The following AKR1C8 variants were observed in gnomAD, a reference collection of about 807,000 sequenced individuals.
AKR1C8 encodes the protein aldo-keto reductase family 1 member C8, also known as aldo-keto reductase family 1 member C-like protein 1.
At chr10:5,140,502 A>T in the AKR1C8 span, among the ~76,000 whole-genome samples, 1,782 of 152,260 alleles carry the variant, frequency 0.012, 9 homozygotes, top group Admixed American at 0.019. Context: ...TTGTAGGGAC[A>T]TGGATGAAGC....
the AKR1C8 span, among the ~76,000 whole-genome samples, chr10:5,176,402 C>G: frequency 6.9e-6 from 1 of 144,740 alleles, no homozygotes; most frequent in African/African-American, 2.5e-5. Context: ...AGTTTGAAGT[C>G]AGGTAGTGTG....
chr10:5,157,406 T>C, the AKR1C8 span, among the ~76,000 whole-genome samples: 1 of 152,142 alleles, frequency 6.6e-6, no homozygotes, highest in Admixed American at 6.5e-5. Context: ...TGAGTTGAAA[T>C]TTGCTTAGTG....
chr10:5,132,703 A>T, the AKR1C8 span: 14 of 1,584,046 alleles, frequency 8.8e-6, no homozygotes, highest in Admixed American at 3.4e-5. Context: ...AAATGAGCAG[A>T]ATCAATATGG....
At chr10:5,123,145 AG>A in the AKR1C8 span, 1 of 156,590 alleles carries the variant, frequency 6.4e-6, no homozygotes, top group East Asian at 1.9e-4. Context: ...TAGGATGTAC[AG>A]AAAGCATTTG....
At chr10:5,141,223 G>A in the AKR1C8 span, among the ~76,000 whole-genome samples, 1 of 152,114 alleles carries the variant, frequency 6.6e-6, no homozygotes, top group Non-Finnish European at 1.5e-5. Flanking sequence ...TTCATATGAA[G>A]GAACTCTTAA....
the AKR1C8 span, among the ~76,000 whole-genome samples, chr10:5,178,532 C>T: frequency 2.0e-5 from 3 of 152,094 alleles, no homozygotes; most frequent in African/African-American, 4.8e-5. Flanking sequence ...TCCTGGGTAT[C>T]CTTTTTAACT....
chr10:5,176,771 T>G, the AKR1C8 span, among the ~76,000 whole-genome samples: 1 of 152,156 alleles, frequency 6.6e-6, no homozygotes, highest in African/African-American at 2.4e-5. Context: ...ATGATTTGGC[T>G]CTCTGTTTGT....
chr10:5,145,650 A>G, the AKR1C8 span, among the ~76,000 whole-genome samples: 11 of 152,224 alleles, frequency 7.2e-5, no homozygotes, highest in African/African-American at 2.4e-4. Flanking sequence ...ACAGTGAGAC[A>G]CCATCTCACA....
the AKR1C8 span, among the ~76,000 whole-genome samples, chr10:5,145,814 G>A: frequency 2.0e-5 from 3 of 152,112 alleles, no homozygotes; most frequent in Admixed American, 2.0e-4. Flanking sequence ...TCTAGAACTA[G>A]AAATACCATT....
chr10:5,132,177 T>C, the AKR1C8 span, among the ~76,000 whole-genome samples: 1 of 143,040 alleles, frequency 7.0e-6, no homozygotes, highest in East Asian at 2.1e-4. Context: ...GGACTCAGTG[T>C]TGGGGGAGGT....
the AKR1C8 span, among the ~76,000 whole-genome samples, chr10:5,137,605 C>T: frequency 6.6e-6 from 1 of 152,084 alleles, no homozygotes; most frequent in East Asian, 1.9e-4. Context: ...TTATGACAAA[C>T]CCACAGCCAA....
the AKR1C8 span, among the ~76,000 whole-genome samples, chr10:5,152,444 TG>T: frequency 2.6e-5 from 4 of 152,186 alleles, no homozygotes; most frequent in Non-Finnish European, 5.9e-5. Flanking sequence ...TTGTGACTGT[TG>T]ATGTATAAAC....
At chr10:5,139,902 C>T in the AKR1C8 span, among the ~76,000 whole-genome samples, 6 of 152,080 alleles carry the variant, frequency 3.9e-5, no homozygotes, top group South Asian at 6.2e-4. Flanking sequence ...ACCCATCTGA[C>T]AAAGGGCTAA....
the AKR1C8 span, among the ~76,000 whole-genome samples, chr10:5,118,123 G>A: frequency 6.6e-6 from 1 of 152,246 alleles, no homozygotes; most frequent in African/African-American, 2.4e-5. Context: ...GCAACTTCCT[G>A]CCAGTTATGA....
chr10:5,118,753 T>C, the AKR1C8 span, among the ~76,000 whole-genome samples: 1 of 152,172 alleles, frequency 6.6e-6, no homozygotes, highest in Non-Finnish European at 1.5e-5. Flanking sequence ...CTGCCAATCA[T>C]CAATTGATTT....
At chr10:5,184,931 C>T in the AKR1C8 span, 3,465 of 481,166 alleles carry the variant, frequency 7.2e-3, 95 homozygotes, top group African/African-American at 0.061. Flanking sequence ...CACTGTCTAC[C>T]CAAGTGCAGG....
the AKR1C8 span, among the ~76,000 whole-genome samples, chr10:5,134,072 G>A: frequency 1.3e-5 from 2 of 152,124 alleles, no homozygotes; most frequent in African/African-American, 2.4e-5. Context: ...GCCATGAATA[G>A]AACAATTTTC....
the AKR1C8 span, among the ~76,000 whole-genome samples, chr10:5,171,281 A>G: frequency 6.6e-6 from 1 of 152,076 alleles, no homozygotes; most frequent in Non-Finnish European, 1.5e-5. Flanking sequence ...GATAACAAAA[A>G]GTTTTAAGGT....
the AKR1C8 span, among the ~76,000 whole-genome samples, chr10:5,162,580 A>G: frequency 5.9e-5 from 9 of 152,208 alleles, no homozygotes; most frequent in Admixed American, 2.0e-4. Flanking sequence ...GAAGGAGTGG[A>G]CCCATAGTGG....
Sources: gnomAD v4.1 joint callset for allele counts (sites outside exome capture counted in the v4.1 genomes callset) on GRCh38, gnomAD v4.1.1 for gene constraint, MANE v1.5 for transcripts, NCBI Gene and HGNC (gene_info 2026-07-23, HGNC 2026-07-21) for gene names.